RABGAP1L: variants seen among roughly 807,000 people sequenced by gnomAD.
The protein encoded by RABGAP1L is RAB GTPase activating protein 1 like.
In RABGAP1L, 63 loss-of-function variants were observed where a neutral mutation model predicts 137.7. The ratio of observed to expected loss-of-function variants is 0.46; its 90% confidence interval spans 0.37 to 0.56. RABGAP1L has a LOEUF of 0.56. RABGAP1L is among the 20% of genes least tolerant of loss of function. The pLI, the probability that RABGAP1L is intolerant of heterozygous loss-of-function variation, is 0.00. For synonymous variants in RABGAP1L, 431 were observed against 433.7 expected, an observed-to-expected ratio of 0.99 and a Z score of 0.08; for missense variants, 1,095 against 1,244.0, an observed-to-expected ratio of 0.88 and a Z score of 1.80.
chr1:174,951,905 A>T (rs1363340740), intron 19 of RABGAP1L, among the ~76,000 whole-genome samples: 1 of 152,204 alleles, frequency 6.6e-6, no homozygotes. Context: ...ATGCAAAACC[A>T]ACTTTTCACA....
chr1:174,727,629 G>A (rs1682101135), intron 17 of RABGAP1L, among the ~76,000 whole-genome samples: 1 of 152,182 alleles, frequency 6.6e-6, no homozygotes, highest in Non-Finnish European at 1.5e-5. Flanking sequence ...GGTGACTATA[G>A]TCAACAATAA....
At position 174,785,221 on chromosome 1, in the gene RABGAP1L, A is replaced by G. The variant is rs976079302; in HGVS notation, c.2212-26611A>G. Among the ~76,000 whole-genome samples, 4 of 151,926 alleles carry G rather than the reference A, an allele frequency of 2.6e-5. No homozygotes were observed. In the East Asian group the frequency reaches 7.7e-4, roughly 29 times the overall value. The stretch of plus-strand genomic sequence containing the variant: ...CTGGGATTACAGGCATGCGCCGCCA[A>G]TCACAACTAATTTTGTATTTTTAGT... On this transcript the variant is annotated intron_variant, in intron 18 of 25. Coordinates refer to ENST00000681986, the MANE Select transcript of RABGAP1L (RefSeq NM_001366446.1).
intron 17 of RABGAP1L, among the ~76,000 whole-genome samples, chr1:174,728,191 G>A (rs571454552): frequency 1.3e-5 from 2 of 152,192 alleles, no homozygotes; most frequent in East Asian, 3.9e-4. Context: ...GTAACTTGTT[G>A]CCTTGTTCTT....
intron 19 of RABGAP1L, among the ~76,000 whole-genome samples, chr1:174,826,184 G>C (rs1691545325): frequency 6.6e-6 from 1 of 152,146 alleles, no homozygotes; most frequent in Non-Finnish European, 1.5e-5. Flanking sequence ...TTAGGATAAT[G>C]ACCTCCAGTT....
intron 1 of RABGAP1L, among the ~76,000 whole-genome samples, chr1:174,176,510 G>T (rs1023617659): frequency 3.3e-5 from 5 of 150,194 alleles, no homozygotes. Context: ...AGGAGTTCAA[G>T]ATTAGCCTGG....
chr1:174,327,992 T>TATACATAC lies in RABGAP1L; in HGVS notation c.1465+22868_1465+22869insCATACATA, dbSNP rs1262289105. On this transcript the variant is annotated intron_variant, in intron 11 of 25. Transcript: ENST00000681986. ...ATATATATATATACACACACATATATATATATATATATATATATATATATA... is the reference window on the plus strand; with the variant it reads ...ATATATATATATACACACACATATATATACATACATATATATATATATATATATATATA... Among the ~76,000 whole-genome samples the TATACATAC allele has an allele frequency of 3.2e-3, 182 of 57,584 alleles. 4 individuals are homozygous for TATACATAC. Among genetic ancestry groups the TATACATAC allele is most frequent in the African/African-American group, 0.014 (173 of 12,320 alleles). The allele number at this position is 57,584 out of a possible 152,430, so 37.8% of individuals were successfully genotyped here.
At chr1:174,622,581 A>G (rs940769657) in intron 13 of RABGAP1L, among the ~76,000 whole-genome samples, 2 of 152,208 alleles carry the variant, frequency 1.3e-5, no homozygotes, top group Non-Finnish European at 2.9e-5. Context: ...GGAAACCATC[A>G]TTCTCAGCAA....
At chr1:174,918,485 G>T (rs914344537) in intron 19 of RABGAP1L, among the ~76,000 whole-genome samples, 4 of 152,112 alleles carry the variant, frequency 2.6e-5, no homozygotes, top group Admixed American at 6.6e-5. Flanking sequence ...AATCTGCGGA[G>T]CAAGAATTCA....
intron 13 of RABGAP1L, among the ~76,000 whole-genome samples, chr1:174,479,860 T>C (rs1258532919): frequency 6.6e-6 from 1 of 152,224 alleles, no homozygotes; most frequent in African/African-American, 2.4e-5. Context: ...GTATTGATTC[T>C]ACTCTTGGAT....
rs181846836 is a variant in RABGAP1L, at chr1:174,215,254, C to T, written c.-33-3871C>T. 1.3e-3 allele frequency among the ~76,000 whole-genome samples: 197 copies of T among 152,126 alleles called. 1 individual carries two copies. The highest frequency in any genetic ancestry group is 4.5e-3 in the African/African-American group (186 of 41,488). ...AGTAGATCACCTGGGGTCAGGAGTT[C>T]GAGCCCAGCCTGGCCAACATAGTGA... On this transcript the variant is annotated intron_variant, in intron 1 of 25. Coordinates refer to ENST00000681986, the MANE Select transcript of RABGAP1L (RefSeq NM_001366446.1).
chr1:174,358,192 T>C (rs140779714), intron 11 of RABGAP1L, among the ~76,000 whole-genome samples: 15 of 152,172 alleles, frequency 9.9e-5, no homozygotes, highest in African/African-American at 3.4e-4. Flanking sequence ...CAGGGAAACA[T>C]AGCCTTCGGT....
intron 13 of RABGAP1L, among the ~76,000 whole-genome samples, chr1:174,518,078 A>C (rs1009092093): frequency 1.3e-5 from 2 of 152,220 alleles, no homozygotes; most frequent in Non-Finnish European, 2.9e-5. Flanking sequence ...GCCTAAGGGA[A>C]GTTAAAAGCA....
At position 174,438,049 on chromosome 1, in the gene RABGAP1L, T is replaced by G. The variant is rs1002310013; in HGVS notation, c.1710+43904T>G. ...GATTTTGTCACCACCAGACCTGCCCTAAAAGAGCTCCTGAAGGAAGCACTA... is the reference window on the plus strand; with the variant it reads ...GATTTTGTCACCACCAGACCTGCCCGAAAAGAGCTCCTGAAGGAAGCACTA... On this transcript the variant is annotated intron_variant, in intron 13 of 25. Transcript: ENST00000681986. Among the ~76,000 whole-genome samples the G allele has an allele frequency of 5.9e-5, 9 of 152,174 alleles. No homozygotes were observed. The East Asian group carries it at 1.7e-3, about 29-fold the overall frequency.
intron 13 of RABGAP1L, among the ~76,000 whole-genome samples, chr1:174,564,072 C>T (rs1667404957): frequency 6.6e-6 from 1 of 152,184 alleles, no homozygotes; most frequent in African/African-American, 2.4e-5. Context: ...CCCAGCAAGT[C>T]TCCTCTTCTT....
chr1:174,685,533 G>A (rs905482257), intron 15 of RABGAP1L, among the ~76,000 whole-genome samples: 11 of 150,294 alleles, frequency 7.3e-5, no homozygotes, highest in African/African-American at 1.2e-4. Context: ...GATTACAGGC[G>A]TGAGCCACCG....
intron 19 of RABGAP1L, among the ~76,000 whole-genome samples, chr1:174,925,354 CAAAAAAAAAAAAAA>C (rs545791515): frequency 0.017 from 937 of 54,892 alleles, 23 homozygotes; most frequent in African/African-American, 0.048. Context: ...GACTCCGTCT[CAAAAAAAAAAAAAA>C]AAAAAAAAAA....
intron 13 of RABGAP1L, among the ~76,000 whole-genome samples, chr1:174,439,626 T>TA (rs1653894503): frequency 6.6e-6 from 1 of 152,182 alleles, no homozygotes; most frequent in Non-Finnish European, 1.5e-5. Flanking sequence ...TTGAATATAT[T>TA]AGGAGGTTAA....
chr1:174,695,326 GACTA>G (rs1490913909), intron 15 of RABGAP1L, among the ~76,000 whole-genome samples: 2 of 127,114 alleles, frequency 1.6e-5, no homozygotes, highest in East Asian at 3.1e-4. Flanking sequence ...TTTCTCCTCT[GACTA>G]TGTATTTTCA....
In RABGAP1L at chr1:174,725,483, G is replaced by T. The variant is rs141618352; in HGVS notation, c.2169+23227G>T. 5.0e-4 allele frequency among the ~76,000 whole-genome samples: 76 copies of T among 152,132 alleles called. No individual in the cohort carries two copies. The East Asian group carries it at 0.014, about 28-fold the overall frequency. ...TGGTTTCCATTTTTCTCCCCCATAA[G>T]TTTTCTATTTGGGAAAAGAGATTTA... On this transcript the variant is annotated intron_variant, in intron 17 of 25. Transcript: ENST00000681986.
Sources: gnomAD v4.1 joint callset for allele counts (sites outside exome capture counted in the v4.1 genomes callset) on GRCh38, gnomAD v4.1.1 for gene constraint, MANE v1.5 for transcripts, NCBI Gene and HGNC (gene_info 2026-07-23, HGNC 2026-07-21) for gene names.